Variants in SPRTN observed in about 807,000 individuals in gnomAD.
SPRTN encodes DNA-dependent metalloprotease SPRTN.
Under a neutral mutation model 31.9 loss-of-function variants are expected in SPRTN, and 11 were observed. The observed-to-expected ratio is 0.34, with a 90% confidence interval of 0.22 to 0.57. The LOEUF (loss-of-function observed/expected upper bound fraction) is 0.57, where lower values mean the gene tolerates loss of function less well. SPRTN is among the 20% of genes least tolerant of loss of function. SPRTN has a pLI of 0.86. For synonymous variants in SPRTN, 185 were observed against 212.1 expected (o/e 0.87, Z 1.11); for missense variants, 482 against 590.1 (o/e 0.82, Z 1.90).
rs1687303678 is a variant in SPRTN, at chr1:231,353,474, T to TA, written c.*115dup. The TA allele has an allele frequency of 1.3e-5, 18 of 1,435,036 alleles. No homozygotes were observed. In the South Asian group the frequency reaches 1.7e-4, roughly 14 times the overall value. 88.9% of individuals were successfully genotyped at this position (1,435,036 alleles called of 1,614,324 possible). On this transcript the variant is annotated 3_prime_UTR_variant, in exon 5 of 5. Coordinates refer to ENST00000295050, the MANE Select transcript of SPRTN (RefSeq NM_032018.7). ...TTTGTAGGTTATAATCTAGTTCACATAACCAATAGAAAGTGTCCTATTTTA... is the reference window on the plus strand; with the variant it reads ...TTTGTAGGTTATAATCTAGTTCACATAAACCAATAGAAAGTGTCCTATTTTA...
rs532470291 is a variant in SPRTN, at chr1:231,351,072, A to G, written c.451-232A>G. On this transcript the variant is annotated intron_variant, in intron 3 of 4. Transcript: ENST00000295050. ...TTGTCCTCTAATCCCATGTGCATCTATCTTTACACAGTTTATGAAGTATTA... is the reference window on the plus strand; with the variant it reads ...TTGTCCTCTAATCCCATGTGCATCTGTCTTTACACAGTTTATGAAGTATTA... Among the ~76,000 whole-genome samples the G allele has an allele frequency of 4.6e-5, 7 of 152,106 alleles. No individual in the cohort carries two copies. In the South Asian group the frequency reaches 1.0e-3, roughly 23 times the overall value.
Position 231,354,012 on chromosome 1 carries a change from T to C in SPRTN, c.*651T>C. 1 of 946,892 alleles carries C rather than the reference T, an allele frequency of 1.1e-6. No homozygotes were observed. The highest frequency in any genetic ancestry group is 1.3e-6 in the Non-Finnish European group (1 of 794,878). The allele number at this position is 946,892 out of a possible 1,614,324, so 58.7% of individuals were successfully genotyped here. On this transcript the variant is annotated 3_prime_UTR_variant, in exon 5 of 5. Transcript: ENST00000295050. ...AAGTAAATTTCTTTTGGAATATTTT[T>C]AGTAACAAATAGCCACTATAATTCT... is the stretch of plus-strand genomic sequence containing the variant.
At chr1:231,348,626 C>T (rs1339364874) in intron 3 of SPRTN, among the ~76,000 whole-genome samples, 2 of 152,122 alleles carry the variant, frequency 1.3e-5, no homozygotes, top group African/African-American at 2.4e-5. Context: ...TCTTTAACTG[C>T]ACTTTTGACC....
At position 231,351,295 on chromosome 1, in the gene SPRTN, T is replaced by A. The variant is rs1313111804; in HGVS notation, c.451-9T>A. ...CTTATTGAATACTAAAAATTCTGTC[T>A]CCACTCAGGTATACCATACTTTTCA... On this transcript the variant is annotated splice_polypyrimidine_tract_variant and intron_variant, in intron 3 of 4. Coordinates refer to ENST00000295050, the MANE Select transcript of SPRTN (RefSeq NM_032018.7). 6.6e-7 allele frequency: 1 copy of A among 1,525,734 alleles called. No homozygotes were observed. The highest frequency in any genetic ancestry group is 8.8e-7 in the Non-Finnish European group (1 of 1,135,288). The allele number at this position is 1,525,734 out of a possible 1,614,324, so 94.5% of individuals were successfully genotyped here. A position where few individuals can be genotyped will look rare whatever the true frequency, so the allele number is the denominator to read the frequency against.
intron 3 of SPRTN, 84 bp downstream of exon 3, chr1:231,348,009 G>T: frequency 6.6e-7 from 1 of 1,518,492 alleles, no homozygotes; most frequent in African/African-American, 1.4e-5. Flanking sequence ...AGAGAACTAG[G>T]TAGAAACAAG....
intron 4 of SPRTN, 52 bp downstream of exon 4, chr1:231,351,623 A>C (rs748205827): frequency 6.3e-7 from 1 of 1,590,366 alleles, no homozygotes; most frequent in South Asian, 1.2e-5. Context: ...CTATGATGTA[A>C]AGACAATACT....
At position 231,338,561 on chromosome 1, in the gene SPRTN, C is replaced by T; in HGVS notation, c.178C>T (p.Gln60Ter). 1 of 1,614,258 alleles carries T rather than the reference C, an allele frequency of 6.2e-7. No individual in the cohort carries two copies. The highest frequency in any genetic ancestry group is 8.5e-7 in the Non-Finnish European group (1 of 1,180,052). The change falls in exon 1 of 5, where the codon CAG (glutamine) becomes TAG (stop). Residue 60 changes from glutamine to a stop codon, truncating the protein, a stop_gained. Transcript: ENST00000295050. LOFTEE classifies it high-confidence loss of function. ...VQFNDQFFWG[Q>*]LEAVEVKWSV... Reference sequence around the variant, plus strand: ...GTTTAACGACCAATTCTTCTGGGGCCAGCTGGAGGCCGTCGAGGTGAAGTG... The same window carrying T: ...GTTTAACGACCAATTCTTCTGGGGCTAGCTGGAGGCCGTCGAGGTGAAGTG...
intron 3 of SPRTN, among the ~76,000 whole-genome samples, chr1:231,348,889 T>C (rs1687141962): frequency 6.6e-6 from 1 of 152,220 alleles, no homozygotes; most frequent in Admixed American, 6.5e-5. Context: ...ATTAAATTCT[T>C]TCTTATGTTT....
Position 231,352,889 on chromosome 1 carries a change from C to T in SPRTN, c.998C>T (p.Pro333Leu), listed in dbSNP as rs368779608. The T allele has an allele frequency of 1.2e-6, 2 of 1,613,982 alleles. No homozygotes were observed. Among genetic ancestry groups the T allele is most frequent in the African/African-American group, 1.3e-5 (1 of 74,920 alleles). ...CAAAATGTTCTAAGCAACTACTTTC[C>T]TAGAGTATCATTTGCCAACCAAAAG... ...SHQNVLSNYF[P>L]RVSFANQKAF... The change falls in exon 5 of 5, where the codon CCT becomes CTT. Residue 333 changes from proline to leucine, a missense_variant. This residue lies in a region of SPRTN where 325 missense variants were observed against 350.2 expected (regional missense o/e 0.93). Transcript: ENST00000295050.
intron 2 of SPRTN, among the ~76,000 whole-genome samples, chr1:231,341,419 A>C (rs1686886627): frequency 6.6e-6 from 1 of 151,798 alleles, no homozygotes; most frequent in Non-Finnish European, 1.5e-5. Context: ...AAATGGCTTT[A>C]GTGAGCATTT....
chr1:231,350,321 A>G (rs1047784414), intron 3 of SPRTN, among the ~76,000 whole-genome samples: 1 of 152,228 alleles, frequency 6.6e-6, no homozygotes, highest in Non-Finnish European at 1.5e-5. Flanking sequence ...TTACATACAG[A>G]TGCTTCTCAC....
At chr1:231,343,456 A>G (rs1686963863) in intron 2 of SPRTN, among the ~76,000 whole-genome samples, 1 of 152,184 alleles carries the variant, frequency 6.6e-6, no homozygotes, top group African/African-American at 2.4e-5. Flanking sequence ...GTGAGGCACA[A>G]CTGTAGTTAC....
rs764577876 is a variant in SPRTN, at chr1:231,353,215, C to G, written c.1324C>G (p.Gln442Glu). ...NDPKYSTTTA[Q>E]NSSSSSSQSK... ...TCCAAAGTATAGTACAACCACAGCT[C>G]AGAATTCCAGCAGTTCATCCAGTCA... Residue 442 changes from glutamine (Q) to glutamate (E), a missense_variant, in exon 5 of 5, where the codon CAG becomes GAG. Coordinates refer to ENST00000295050, the MANE Select transcript of SPRTN (RefSeq NM_032018.7). 2 of 1,614,076 alleles carry G rather than the reference C, an allele frequency of 1.2e-6. No homozygotes were observed. Among genetic ancestry groups the G allele is most frequent in the South Asian group, 1.1e-5 (1 of 91,050 alleles).
Position 231,338,456 on chromosome 1 carries a change from GC to G in SPRTN, c.76del (p.Gln26ArgfsTer6). On this transcript the variant is annotated frameshift_variant, in exon 1 of 5. Transcript: ENST00000295050. LOFTEE classifies it high-confidence loss of function. ...CTTGCAGGAGGCGGAGCGCGATCAT[GC>G]CCAGGAGTCCCTGTCGCTAGTGGAC... ...WNLQEAERDH[A>X]QESLSLVDAS... is the part of the protein sequence containing the mutation. 6.2e-7 allele frequency: 1 copy of G among 1,614,274 alleles called. No homozygotes were observed. The highest frequency in any genetic ancestry group is 8.5e-7 in the Non-Finnish European group (1 of 1,180,052).
chr1:231,338,413 G>A lies in SPRTN; in HGVS notation c.30G>A (p.Arg10=). 1 of 1,614,274 alleles carries A rather than the reference G, an allele frequency of 6.2e-7. No homozygotes were observed. Among genetic ancestry groups the A allele is most frequent in the Non-Finnish European group, 8.5e-7 (1 of 1,180,052 alleles). ...ATGATGACTTGATGTTGGCACTGCG[G>A]CTTCAGGAGGAGTGGAACTTGCAGG... is the stretch of plus-strand genomic sequence containing the variant. MDDDLMLAL[R]LQEEWNLQEA... Residue 10 remains arginine (R), a synonymous_variant, in exon 1 of 5, where the codon CGG becomes CGA. Coordinates refer to ENST00000295050, the MANE Select transcript of SPRTN (RefSeq NM_032018.7).
chr1:231,353,107 A>G lies in SPRTN; in HGVS notation c.1216A>G (p.Asn406Asp), dbSNP rs774859021. The change falls in exon 5 of 5, where the codon AAT (asparagine) becomes GAT (aspartate). Residue 406 changes from asparagine to aspartate, a missense_variant. Asn to Asp is a conservative substitution (Grantham distance 23, BLOSUM62 1). This residue lies in a region of SPRTN where 325 missense variants were observed against 350.2 expected (regional missense o/e 0.93). Transcript: ENST00000295050. Reference sequence around the variant, plus strand: ...GAGTGGGTCTGAAGATACATTCCCAAATAAACGACCTAGGCTAGAAGATAA... The same window carrying G: ...GAGTGGGTCTGAAGATACATTCCCAGATAAACGACCTAGGCTAGAAGATAA... ...DVSGSEDTFP[N>D]KRPRLEDKTV... 6.2e-7 allele frequency: 1 copy of G among 1,613,722 alleles called. No individual in the cohort carries two copies. Among genetic ancestry groups the G allele is most frequent in the South Asian group, 1.1e-5 (1 of 90,990 alleles).
chr1:231,351,063 T>C (rs980764578), intron 3 of SPRTN, among the ~76,000 whole-genome samples: 83 of 152,206 alleles, frequency 5.5e-4, no homozygotes, highest in African/African-American at 1.9e-3. Context: ...TCTAATCCCA[T>C]GTGCATCTAT....
intron 3 of SPRTN, among the ~76,000 whole-genome samples, chr1:231,348,392 C>G (rs990202395): frequency 2.3e-4 from 35 of 152,244 alleles, no homozygotes; most frequent in African/African-American, 8.4e-4. Flanking sequence ...CTGGCTCCAC[C>G]AATTATTAAC....
Position 231,338,540 on chromosome 1 carries a change from A to G in SPRTN, c.157A>G (p.Asn53Asp), listed in dbSNP as rs1571986992. Residue 53 changes from asparagine to aspartate, a missense_variant, in exon 1 of 5, where the codon AAC (asparagine) becomes GAC (aspartate). Asn to Asp is a conservative substitution (Grantham distance 23, BLOSUM62 1). Transcript: ENST00000295050. ...CTTGCAGGCACTGTTTGTTCAGTTT[A>G]ACGACCAATTCTTCTGGGGCCAGCT... ...PDLQALFVQF[N>D]DQFFWGQLEA... 6.2e-7 allele frequency: 1 copy of G among 1,614,230 alleles called. No homozygotes were observed. The highest frequency in any genetic ancestry group is 2.2e-5 in the East Asian group (1 of 44,876).
Sources: gnomAD v4.1 joint callset for allele counts (sites outside exome capture counted in the v4.1 genomes callset) on GRCh38, gnomAD v4.1.1 for gene constraint, gnomAD v4.1.1 regional missense constraint, MANE v1.5 for transcripts, NCBI Gene and HGNC (gene_info 2026-07-23, HGNC 2026-07-21) for gene names.